Variants in ALKBH1 observed in about 807,000 individuals in gnomAD.
The protein encoded by ALKBH1 is nucleic acid dioxygenase ALKBH1.
Under a neutral mutation model 36.6 loss-of-function variants are expected in ALKBH1, and 31 were observed. The ratio of observed to expected loss-of-function variants is 0.85; its 90% confidence interval spans 0.64 to 1.14. The LOEUF (loss-of-function observed/expected upper bound fraction) is 1.14, where lower values mean the gene tolerates loss of function less well. Ranked by LOEUF, ALKBH1 falls within the 50% of genes most tolerant of loss-of-function variation. ALKBH1 has a pLI of 0.00. For missense variants in ALKBH1, 490 were observed against 497.3 expected, an observed-to-expected ratio of 0.99 and a Z score of 0.14; for synonymous variants, 183 against 186.6, an observed-to-expected ratio of 0.98 and a Z score of 0.16.
chr14:77,707,468 GT>G (rs1158790720), intron 1 of ALKBH1, among the ~76,000 whole-genome samples: 3 of 151,956 alleles, frequency 2.0e-5, no homozygotes, highest in Non-Finnish European at 4.4e-5. Flanking sequence ...CTCGGGAGTG[GT>G]TTTTTTTAAG....
intron 2 of ALKBH1, among the ~76,000 whole-genome samples, chr14:77,699,915 C>T (rs974575732): frequency 6.6e-5 from 10 of 151,938 alleles, no homozygotes; most frequent in Admixed American, 1.3e-4. Context: ...ATTAGCTGGG[C>T]GTGGTGGCGG....
chr14:77,706,076 TATATATACACACAC>T (rs899165280), intron 1 of ALKBH1, among the ~76,000 whole-genome samples: 8 of 142,522 alleles, frequency 5.6e-5, no homozygotes, highest in African/African-American at 7.8e-5. Flanking sequence ...GTATATATAT[TATATATACACACAC>T]ATATATACAC....
chr14:77,704,613 T>C, intron 1 of ALKBH1, 136 bp from the exon 2 acceptor site: 1 of 668,314 alleles, frequency 1.5e-6, no homozygotes, highest in Non-Finnish European at 2.6e-6. Flanking sequence ...CTTGCTCTAT[T>C]GCTCAGGCGA....
At position 77,704,430 on chromosome 14, in the gene ALKBH1, T is replaced by C. The variant is rs1461522159; in HGVS notation, c.231A>G (p.Ala77=). Residue 77 remains alanine, a synonymous_variant, in exon 2 of 6, where the codon GCA becomes GCG. Transcript: ENST00000216489. ...LNVSSVSEQN[A]YRAGLQPVSK... is the part of the protein sequence containing the mutation. Reference sequence around the variant, plus strand: ...TGACGGGCTGAAGACCTGCTCTATATGCATTCTGCTCACTGACAGAAGACA... The same window carrying C: ...TGACGGGCTGAAGACCTGCTCTATACGCATTCTGCTCACTGACAGAAGACA... 4 of 1,614,182 alleles carry C rather than the reference T, an allele frequency of 2.5e-6. No homozygotes were observed. Among genetic ancestry groups the C allele is most frequent in the African/African-American group, 1.3e-5 (1 of 75,052 alleles).
At chr14:77,692,102 C>T (rs2080300207) in intron 3 of ALKBH1, 2 of 152,110 alleles carry the variant, frequency 1.3e-5, no homozygotes, top group Non-Finnish European at 2.9e-5. Flanking sequence ...AAATTAAGGC[C>T]ACGTAACACC....
chr14:77,693,424 T>C (rs1359728806), intron 3 of ALKBH1, among the ~76,000 whole-genome samples: 4 of 152,116 alleles, frequency 2.6e-5, no homozygotes, highest in South Asian at 2.1e-4. Flanking sequence ...ACAGGAACTG[T>C]TTTTTATCTG....
At chr14:77,679,041 T>C (rs1182798939) in intron 4 of ALKBH1, among the ~76,000 whole-genome samples, 9 of 152,106 alleles carry the variant, frequency 5.9e-5, no homozygotes. Flanking sequence ...GCTCTGGAAC[T>C]CCTGAGCTCA....
intron 1 of ALKBH1, among the ~76,000 whole-genome samples, chr14:77,705,196 C>T (rs1439243403): frequency 1.3e-5 from 2 of 152,038 alleles, no homozygotes; most frequent in African/African-American, 2.4e-5. Flanking sequence ...AGGCGGATCA[C>T]GAGGTCAGGA....
At chr14:77,701,009 C>T (rs2080356492) in intron 2 of ALKBH1, among the ~76,000 whole-genome samples, 1 of 152,134 alleles carries the variant, frequency 6.6e-6, no homozygotes, top group South Asian at 2.1e-4. Context: ...GTGGGAGGAA[C>T]CTTTAAGCCT....
chr14:77,688,641 C>G (rs2080281483), intron 3 of ALKBH1, among the ~76,000 whole-genome samples: 1 of 151,706 alleles, frequency 6.6e-6, no homozygotes, highest in African/African-American at 2.4e-5. Flanking sequence ...CAACCTCCAC[C>G]TGCCGGGTTC....
In ALKBH1 at chr14:77,694,811, C is replaced by T. The variant is rs1031208379; in HGVS notation, c.382G>A (p.Val128Ile). The part of the protein sequence containing the change: ...CLKLYSQKPN[V>I]CNLDKHMSKE... ...GACATGTGTTTGTCCAGGTTACATA[C>T]ATTAGGTTTCTGGGAATATAACTTA... Residue 128 changes from valine to isoleucine, a missense_variant, in exon 3 of 6, where the codon GTA (valine) becomes ATA (isoleucine). Coordinates refer to ENST00000216489, the MANE Select transcript of ALKBH1 (RefSeq NM_006020.3). 1.2e-6 allele frequency: 2 copies of T among 1,607,920 alleles called. No individual in the cohort carries two copies. The highest frequency in any genetic ancestry group is 8.5e-7 in the Non-Finnish European group (1 of 1,177,270).
chr14:77,705,703 T>C (rs1313285801), intron 1 of ALKBH1, among the ~76,000 whole-genome samples: 2 of 152,156 alleles, frequency 1.3e-5, no homozygotes, highest in Non-Finnish European at 2.9e-5. Context: ...GTCAAAACAT[T>C]AAAGGAAAAA....
intron 3 of ALKBH1, among the ~76,000 whole-genome samples, chr14:77,692,375 T>C (rs986740296): frequency 4.7e-5 from 7 of 148,530 alleles, no homozygotes; most frequent in African/African-American, 1.7e-4. Context: ...TGGAAGAGAA[T>C]TTGTCCATGG....
chr14:77,697,572 C>T (rs1174868346), intron 2 of ALKBH1, among the ~76,000 whole-genome samples: 1 of 151,792 alleles, frequency 6.6e-6, no homozygotes, highest in Non-Finnish European at 1.5e-5. Flanking sequence ...CAAAGACAAC[C>T]GGGAGACTCT....
chr14:77,691,644 A>G (rs2080297568), intron 3 of ALKBH1: 1 of 152,250 alleles, frequency 6.6e-6, no homozygotes, highest in South Asian at 2.1e-4. Flanking sequence ...GAGCATATCA[A>G]TTTCTTCCAA....
chr14:77,680,228 T>TC (rs3216479), intron 3 of ALKBH1, among the ~76,000 whole-genome samples: 58,673 of 151,950 alleles, frequency 0.39, 11,878 homozygotes, highest in East Asian at 0.5. Context: ...GCCTCCAGCA[T>TC]CTTGGTAATG....
Position 77,674,190 on chromosome 14 carries a change from G to T in ALKBH1, c.792C>A (p.Ala264=). The part of the protein sequence containing the change: ...FLLGGLQRDE[A]PTAMFMHSGD... ...CACTGTGCATAAACATGGCCGTGGG[G>T]GCCTCATCCCTTTGAAGACCACCCA... The change falls in exon 6 of 6, where the codon GCC becomes GCA. Residue 264 remains alanine (A), a synonymous_variant. Coordinates refer to ENST00000216489, the MANE Select transcript of ALKBH1 (RefSeq NM_006020.3). 1 of 1,613,606 alleles carries T rather than the reference G, an allele frequency of 6.2e-7. No homozygotes were observed. Among genetic ancestry groups the T allele is most frequent in the South Asian group, 1.1e-5 (1 of 91,014 alleles).
At chr14:77,688,226 T>C (rs1276648647) in intron 3 of ALKBH1, among the ~76,000 whole-genome samples, 1 of 148,740 alleles carries the variant, frequency 6.7e-6, no homozygotes, top group Non-Finnish European at 1.5e-5. Flanking sequence ...TATCATCTTT[T>C]GCATGGATTA....
In ALKBH1 at chr14:77,683,149, CTTTTTTTT is replaced by C. The variant is rs34921168; in HGVS notation, c.456-3187_456-3180del. On this transcript the variant is annotated intron_variant, in intron 3 of 5. Coordinates refer to ENST00000216489, the MANE Select transcript of ALKBH1 (RefSeq NM_006020.3). ...GAGGCATCACACCAAGCTGTAAAGT[CTTTTTTTT>C]TTTTTTTTTTTTTTACAAACAGTCC... The C allele has an allele frequency of 6.4e-3, 2,606 of 404,544 alleles. 7 individuals carry two copies. Among genetic ancestry groups the C allele is most frequent in the East Asian group, 9.9e-3 (186 of 18,758 alleles). 25.1% of individuals were successfully genotyped at this position (404,544 alleles called of 1,614,324 possible). A position where few individuals can be genotyped will look rare whatever the true frequency, so the allele number is the denominator to read the frequency against.
Sources: allele counts gnomAD v4.1 joint callset (sites outside exome capture counted in the v4.1 genomes callset), GRCh38; gene constraint gnomAD v4.1.1; transcripts MANE v1.5; gene names NCBI Gene and HGNC (gene_info 2026-07-23, HGNC 2026-07-21).